The following MYLK variants were observed in gnomAD, a reference collection of about 807,000 sequenced individuals.
MYLK encodes myosin light chain kinase, smooth muscle.
MYLK carries 106 observed loss-of-function variants against 203.4 expected under a neutral mutation model. The observed-to-expected ratio is 0.52, with a 90% CI of 0.45 to 0.61. The LOEUF is 0.61. Among genes scored for constraint, MYLK ranks in the 20% least tolerant of loss-of-function variants. The pLI is 0.00. For synonymous variants in MYLK, 867 were observed against 959.5 expected, an observed-to-expected ratio of 0.90 and a Z score of 1.78; for missense variants, 2,072 against 2,442.3, an observed-to-expected ratio of 0.85 and a Z score of 3.20.
chr3:123,647,421 T>C lies in MYLK; in HGVS notation c.4422A>G (p.Lys1474=). Reference sequence around the variant, plus strand: ...CTACAAGTCGAAAGACCTGTCCAAATTTCCCACTGCAAATGAAAGGGGGAG... The same window carrying C: ...CTACAAGTCGAAAGACCTGTCCAAACTTCCCACTGCAAATGAAAGGGGGAG... The part of the protein sequence containing the change: ...YDIEERLGSG[K]FGQVFRLVEK... The change falls in exon 27 of 34, where the codon AAA becomes AAG. Residue 1474 remains lysine (K), a synonymous_variant. Transcript: ENST00000360304. The C allele has an allele frequency of 6.2e-7, 1 of 1,614,192 alleles. No individual in the cohort carries two copies. Among genetic ancestry groups the C allele is most frequent in the Non-Finnish European group, 8.5e-7 (1 of 1,180,018 alleles).
Position 123,614,110 on chromosome 3 carries a change from C to A in MYLK, c.5740G>T (p.Glu1914Ter), listed in dbSNP as rs755145231. The part of the protein sequence containing the change: ...EGEGEGEEEE[E>*] ...TGCTTTTCTCTGGCTTTGTTTCACT[C>A]TTCTTCCTCTTCCCCTTCCCCTTCA... Residue 1914 changes from glutamate (E) to a stop codon, truncating the protein, a stop_gained, in exon 34 of 34, where the codon GAG (glutamate) becomes TAG (stop). Coordinates refer to ENST00000360304, the MANE Select transcript of MYLK (RefSeq NM_053025.4). LOFTEE classifies it high-confidence loss of function. 4.3e-6 allele frequency: 7 copies of A among 1,610,964 alleles called. No individual in the cohort carries two copies. The South Asian group carries it at 7.7e-5, about 18-fold the overall frequency.
In MYLK at chr3:123,617,213, GAAACAATTCCAAAGAGAAA is replaced by G. The variant is rs2057551140; in HGVS notation, c.5500+1407_5500+1425del. The stretch of plus-strand genomic sequence containing the variant: ...AGGCAAAAGTTACATAAATATCAAT[GAAACAATTCCAAAGAGAAA>G]ATTAAGTACGAAACAATCCCAAAGA... On this transcript the variant is annotated intron_variant, in intron 33 of 33. Coordinates refer to ENST00000360304, the MANE Select transcript of MYLK (RefSeq NM_053025.4). The G allele has an allele frequency of 2.6e-5, 4 of 152,054 alleles. 1 individual carries two copies. Among genetic ancestry groups the G allele is most frequent in the African/African-American group, 9.7e-5 (4 of 41,382 alleles). The allele number at this position is 152,054 out of a possible 1,614,324, so 9.4% of individuals were successfully genotyped here. A position where few individuals can be genotyped will look rare whatever the true frequency, so the allele number is the denominator to read the frequency against.
At chr3:123,742,913 G>A (rs571480139) in intron 5 of MYLK, among the ~76,000 whole-genome samples, 2 of 152,182 alleles carry the variant, frequency 1.3e-5, no homozygotes, top group African/African-American at 4.8e-5. Flanking sequence ...AAATGTCCAG[G>A]AGAGGCAAAT....
At chr3:123,878,189 C>G (rs529969765) in intron 1 of MYLK, among the ~76,000 whole-genome samples, 1 of 152,210 alleles carries the variant, frequency 6.6e-6, no homozygotes, top group Admixed American at 6.5e-5. Context: ...ACTACCCTTA[C>G]GACCACAGCA....
At chr3:123,772,077 C>T (rs1385903956) in intron 4 of MYLK, among the ~76,000 whole-genome samples, 3 of 152,054 alleles carry the variant, frequency 2.0e-5, no homozygotes, top group Non-Finnish European at 4.4e-5. Flanking sequence ...TATGCACATG[C>T]ACTTCACCTA....
At chr3:123,755,706 A>T (rs778079308) in intron 4 of MYLK, among the ~76,000 whole-genome samples, 3 of 152,134 alleles carry the variant, frequency 2.0e-5, no homozygotes, top group Non-Finnish European at 4.4e-5. Context: ...CTGCCCTCCC[A>T]GGTTGCCTTA....
intron 3 of MYLK, chr3:123,799,979 G>A: frequency 6.6e-6 from 1 of 152,346 alleles, no homozygotes; most frequent in Non-Finnish European, 1.5e-5. Context: ...AGAGCCCAGG[G>A]CCAGACCGAA....
intron 3 of MYLK, among the ~76,000 whole-genome samples, chr3:123,805,320 G>A (rs946417748): frequency 1.3e-5 from 2 of 152,138 alleles, no homozygotes; most frequent in African/African-American, 4.8e-5. Flanking sequence ...CCAAAGCCTG[G>A]CAAACGGTAT....
In MYLK at chr3:123,732,429, T is replaced by C. The variant is rs150600901; in HGVS notation, c.1516+467A>G. ...AGTTTGTATAAAAAACATTAAAATATAATTTATTTCTGAGTCATAAGGTTA... is the reference window on the plus strand; with the variant it reads ...AGTTTGTATAAAAAACATTAAAATACAATTTATTTCTGAGTCATAAGGTTA... On this transcript the variant is annotated intron_variant, in intron 11 of 33. Coordinates refer to ENST00000360304, the MANE Select transcript of MYLK (RefSeq NM_053025.4). Among the ~76,000 whole-genome samples, 15 of 152,346 alleles carry C rather than the reference T, an allele frequency of 9.8e-5. No homozygotes were observed. The East Asian group carries it at 2.7e-3, about 27-fold the overall frequency.
chr3:123,722,123 C>CCTA lies in MYLK; in HGVS notation c.1804+2_1804+4dup. 6.4e-7 allele frequency: 1 copy of CCTA among 1,563,882 alleles called. No homozygotes were observed. Among genetic ancestry groups the CCTA allele is most frequent in the Non-Finnish European group, 8.7e-7 (1 of 1,154,054 alleles). ...GCTTCTACCCAGGTGCCCAGAGGCT[C>CCTA]CTACCATGGACGGTGACCCAGGCGC... On this transcript the variant is annotated splice_donor_region_variant and intron_variant, in intron 13 of 33. Coordinates refer to ENST00000360304, the MANE Select transcript of MYLK (RefSeq NM_053025.4).
intron 3 of MYLK, among the ~76,000 whole-genome samples, chr3:123,807,822 T>C (rs1258203107): frequency 1.3e-5 from 2 of 152,174 alleles, no homozygotes; most frequent in Admixed American, 1.3e-4. Context: ...CCAGACTCCC[T>C]CAACTCTCCT....
At chr3:123,738,430 A>G (rs2108813462) in intron 7 of MYLK, among the ~76,000 whole-genome samples, 1 of 152,306 alleles carries the variant, frequency 6.6e-6, no homozygotes, top group African/African-American at 2.4e-5. Context: ...CGCCTGAAAC[A>G]GGAGGAACAG....
intron 2 of MYLK, among the ~76,000 whole-genome samples, chr3:123,875,635 A>C (rs2033103518): frequency 6.6e-6 from 1 of 152,214 alleles, no homozygotes; most frequent in Admixed American, 6.5e-5. Flanking sequence ...AAAACAGGTG[A>C]ATTTTACTGT....
chr3:123,694,991 T>A (rs2060853368), intron 18 of MYLK, among the ~76,000 whole-genome samples: 1 of 152,216 alleles, frequency 6.6e-6, no homozygotes, highest in Non-Finnish European at 1.5e-5. Flanking sequence ...GAGGTCAGCA[T>A]CACTGCAGAG....
chr3:123,743,740 G>A (rs1326006185), intron 5 of MYLK, among the ~76,000 whole-genome samples: 1 of 152,104 alleles, frequency 6.6e-6, no homozygotes, highest in African/African-American at 2.4e-5. Context: ...GTGGTGGAAG[G>A]GATAAGGTAG....
At chr3:123,797,700 T>C (rs1204110526) in intron 3 of MYLK, among the ~76,000 whole-genome samples, 1 of 152,188 alleles carries the variant, frequency 6.6e-6, no homozygotes, top group Non-Finnish European at 1.5e-5. Context: ...CTGGGCAAGG[T>C]GCTCCAACCC....
At chr3:123,735,239 T>C in intron 9 of MYLK, 159 bp downstream of exon 9, 3 of 978,272 alleles carry the variant, frequency 3.1e-6, no homozygotes, top group Non-Finnish European at 4.9e-6. Context: ...CATATTACAA[T>C]AGGAGAACAA....
intron 13 of MYLK, among the ~76,000 whole-genome samples, chr3:123,719,084 G>A (rs573712176): frequency 1.3e-5 from 2 of 152,352 alleles, no homozygotes; most frequent in South Asian, 4.1e-4. Context: ...AAAGCATGAA[G>A]GGCTGGCTGC....
At chr3:123,739,092 C>T (rs755912909) in intron 6 of MYLK, 30 bp from the exon 7 acceptor site, 1 of 1,611,348 alleles carries the variant, frequency 6.2e-7, no homozygotes, top group South Asian at 1.1e-5. Context: ...GAATCCAGTC[C>T]CAGACAAGGC....
Sources: allele counts gnomAD v4.1 joint callset (sites outside exome capture counted in the v4.1 genomes callset), GRCh38; gene constraint gnomAD v4.1.1; transcripts MANE v1.5; gene names NCBI Gene and HGNC (gene_info 2026-07-23, HGNC 2026-07-21).